The following COL6A5 variants were observed in gnomAD, a reference collection of about 807,000 sequenced individuals.
COL6A5 encodes the protein collagen alpha-5(VI) chain.
A neutral mutation model predicts 65.6 loss-of-function variants in COL6A5; 48 were observed. The ratio of observed to expected loss-of-function variants is 0.73; its 90% confidence interval spans 0.58 to 0.93. The LOEUF is 0.93. Among genes scored for constraint, COL6A5 ranks in the 40% least tolerant of loss-of-function variants. The pLI, the probability that COL6A5 is intolerant of heterozygous loss-of-function variation, is 0.00. For synonymous variants in COL6A5, 291 were observed against 322.8 expected (o/e 0.90, Z 1.05); for missense variants, 914 against 928.3 (o/e 0.98, Z 0.20).
chr3:130,362,304 ATATATATATATATATATATATAT>A (rs1233103492), intron 1 of COL6A5, among the ~76,000 whole-genome samples: 109 of 7,632 alleles, frequency 0.014, no homozygotes, highest in Middle Eastern at 0.05. Flanking sequence ...ATATATATAT[ATATATATATATATATATATATAT>A]TTTTTTTTTT....
At chr3:130,392,892 A>G (rs1252066429) in intron 7 of COL6A5, among the ~76,000 whole-genome samples, 1 of 151,960 alleles carries the variant, frequency 6.6e-6, no homozygotes, top group African/African-American at 2.4e-5. Flanking sequence ...GAAAATTATG[A>G]TTTTTCCCAA....
intron 17 of COL6A5, among the ~76,000 whole-genome samples, chr3:130,408,360 G>A (rs943667730): frequency 6.6e-5 from 10 of 152,046 alleles, no homozygotes; most frequent in Admixed American, 4.6e-4. Flanking sequence ...GATGAAATAC[G>A]CCCTGGTCTC....
At chr3:130,451,391 G>C (rs1709427449) in intron 4 of COL6A5, among the ~76,000 whole-genome samples, 1 of 152,112 alleles carries the variant, frequency 6.6e-6, no homozygotes, top group Admixed American at 6.6e-5. Context: ...GGAGCAGAAG[G>C]AGCAGAAGTA....
intron 7 of COL6A5, among the ~76,000 whole-genome samples, chr3:130,480,218 A>G (rs532247300): frequency 5.9e-4 from 90 of 152,160 alleles, no homozygotes; most frequent in Non-Finnish European, 8.8e-4. Flanking sequence ...TAATAAATGT[A>G]TTTTGAACAA....
chr3:130,414,851 A>G (rs1937291119), intron 22 of COL6A5, among the ~76,000 whole-genome samples: 1 of 152,150 alleles, frequency 6.6e-6, no homozygotes. Flanking sequence ...TTCAGGTATT[A>G]GGACCAAACT....
chr3:130,466,522 A>G (rs957479214), intron 5 of COL6A5, among the ~76,000 whole-genome samples: 8 of 152,014 alleles, frequency 5.3e-5, no homozygotes, highest in African/African-American at 1.9e-4. Context: ...CAAAGAAGAA[A>G]TGTTTCAAAT....
chr3:130,484,417 T>C, exon 8 of COL6A5: 1 of 405,240 alleles, frequency 2.5e-6, no homozygotes, highest in Non-Finnish European at 4.3e-6. Flanking sequence ...GTATCTCAGA[T>C]TGGACTCCTC....
At chr3:130,457,967 G>A (rs1206187276) in intron 5 of COL6A5, among the ~76,000 whole-genome samples, 2 of 152,102 alleles carry the variant, frequency 1.3e-5, no homozygotes, top group African/African-American at 4.8e-5. Flanking sequence ...TATGGCTGAT[G>A]GCTGAGCTTT....
chr3:130,443,348 C>T (rs1709230311), intron 3 of COL6A5, 128 bp from the exon 36 acceptor site: 10 of 624,478 alleles, frequency 1.6e-5, no homozygotes, highest in Non-Finnish European at 2.0e-5. Context: ...GTTTTCACCC[C>T]AGCCAAATTT....
At chr3:130,483,825 C>G (rs1710312394) in intron 7 of COL6A5, among the ~76,000 whole-genome samples, 1 of 152,116 alleles carries the variant, frequency 6.6e-6, no homozygotes, top group Non-Finnish European at 1.5e-5. Context: ...AACATTCTTC[C>G]AGGAAGAATT....
chr3:130,413,729 T>C, intron 21 of COL6A5, 149 bp downstream of exon 21: 1 of 815,484 alleles, frequency 1.2e-6, no homozygotes, highest in East Asian at 2.7e-5. Context: ...GACCCAATAA[T>C]CACTGCAGCT....
chr3:130,443,738 G>A (rs1709241961), intron 4 of COL6A5, among the ~76,000 whole-genome samples, 172 bp downstream of exon 36: 1 of 152,102 alleles, frequency 6.6e-6, no homozygotes, highest in South Asian at 2.1e-4. Flanking sequence ...TTTCCAATTT[G>A]TTTTTATAAC....
chr3:130,415,244 C>G (rs183959244), intron 22 of COL6A5, among the ~76,000 whole-genome samples: 1 of 152,102 alleles, frequency 6.6e-6, no homozygotes, highest in Non-Finnish European at 1.5e-5. Flanking sequence ...GCTGCTAAGA[C>G]GCCCTTTTGT....
At chr3:130,477,534 T>C (rs562993191) in intron 7 of COL6A5, among the ~76,000 whole-genome samples, 20 of 152,246 alleles carry the variant, frequency 1.3e-4, no homozygotes, top group Admixed American at 1.2e-3. Flanking sequence ...TTTTTCTTTA[T>C]GTCAAACCCA....
chr3:130,385,090 G>A, exon 5 of COL6A5: 1 of 1,550,948 alleles, frequency 6.4e-7, no homozygotes, highest in Non-Finnish European at 8.7e-7. Context: ...ATTACATACT[G>A]CAAATAATAA....
intron 10 of COL6A5, among the ~76,000 whole-genome samples, chr3:130,399,499 T>C (rs1936733682): frequency 6.6e-6 from 1 of 151,020 alleles, no homozygotes; most frequent in African/African-American, 2.4e-5. Context: ...GCCTCTGGAG[T>C]ATCTGGGACT....
upstream of COL6A5, among the ~76,000 whole-genome samples, chr3:130,428,757 C>A (rs947143753): frequency 6.6e-6 from 1 of 152,200 alleles, no homozygotes; most frequent in Non-Finnish European, 1.5e-5. Context: ...TGGCAGTTAG[C>A]ATCCCAGGGG....
At chr3:130,384,762 C>T (rs1936120508) in intron 4 of COL6A5, 42 bp from the exon 5 acceptor site, 2 of 1,459,866 alleles carry the variant, frequency 1.4e-6, no homozygotes, top group Admixed American at 2.6e-5. Context: ...GCAAAGTTCT[C>T]TCTAGGTTCT....
At chr3:130,447,893 C>T (rs1709344679) in intron 4 of COL6A5, among the ~76,000 whole-genome samples, 1 of 152,120 alleles carries the variant, frequency 6.6e-6, no homozygotes, top group East Asian at 1.9e-4. Context: ...TGGGTTGATC[C>T]TTGGTTAATT....
Sources: allele counts gnomAD v4.1 joint callset (sites outside exome capture counted in the v4.1 genomes callset), GRCh38; gene constraint gnomAD v4.1.1; transcripts MANE v1.5; gene names NCBI Gene and HGNC (gene_info 2026-07-23, HGNC 2026-07-21).